Variants in MGAT4C observed in about 807,000 individuals in gnomAD.
MGAT4C encodes alpha-1,3-mannosyl-glycoprotein 4-beta-N-acetylglucosaminyltransferase C.
In MGAT4C, 19 loss-of-function variants were observed where a neutral mutation model predicts 40.1. The observed-to-expected ratio is 0.47, with a 90% CI of 0.33 to 0.70. The LOEUF (loss-of-function observed/expected upper bound fraction) is 0.70. Ranked by LOEUF, MGAT4C falls within the 30% of genes least tolerant of loss-of-function variation. The pLI, the probability that MGAT4C is intolerant of heterozygous loss-of-function variation, is 0.02. For missense variants in MGAT4C, 491 were observed against 563.2 expected (o/e 0.87, Z 1.30); for synonymous variants, 181 against 187.1 (o/e 0.97, Z 0.27).
At chr12:86,288,670 T>C (rs941485963) in intron 4 of MGAT4C, among the ~76,000 whole-genome samples, 23 of 152,184 alleles carry the variant, frequency 1.5e-4, no homozygotes, top group African/African-American at 2.2e-4. Context: ...TGATTAATCA[T>C]GTGGAGCATT....
At chr12:86,472,266 G>A (rs1454163433) in intron 2 of MGAT4C, among the ~76,000 whole-genome samples, 3 of 152,098 alleles carry the variant, frequency 2.0e-5, no homozygotes, top group African/African-American at 7.2e-5. Flanking sequence ...TGGTTACCTA[G>A]AAAATGAGAC....
chr12:86,826,071 G>A (rs2136231441), intron 1 of MGAT4C, among the ~76,000 whole-genome samples: 1 of 151,334 alleles, frequency 6.6e-6, no homozygotes, highest in South Asian at 2.1e-4. Context: ...GACCCAACAA[G>A]CTCCTCACAT....
chr12:86,402,640 A>G (rs899699000), intron 3 of MGAT4C, among the ~76,000 whole-genome samples: 2 of 152,146 alleles, frequency 1.3e-5, no homozygotes, highest in Non-Finnish European at 2.9e-5. Flanking sequence ...ACAATAAACA[A>G]TATCTGTTAT....
At chr12:86,469,227 A>G (rs1957724088) in intron 2 of MGAT4C, among the ~76,000 whole-genome samples, 1 of 152,106 alleles carries the variant, frequency 6.6e-6, no homozygotes, top group Non-Finnish European at 1.5e-5. Flanking sequence ...GAGGGTTTCA[A>G]TGATCCCTGC....
intron 2 of MGAT4C, among the ~76,000 whole-genome samples, chr12:86,480,629 TAAGTAGTTAATGATGTATAA>T (rs1337109259): frequency 2.6e-5 from 4 of 151,622 alleles, no homozygotes; most frequent in Admixed American, 1.3e-4. Flanking sequence ...TATGTATGTA[TAAGTAGTTAATGATGTATAA>T]ACATATGTAC....
At chr12:86,451,191 T>C (rs896295594) in intron 2 of MGAT4C, among the ~76,000 whole-genome samples, 3 of 151,966 alleles carry the variant, frequency 2.0e-5, no homozygotes, top group Admixed American at 6.6e-5. Flanking sequence ...AGTGAGGGGG[T>C]TCTTGTGAGA....
At chr12:86,305,443 G>GAAA (rs5799778) in intron 4 of MGAT4C, among the ~76,000 whole-genome samples, 11 of 133,338 alleles carry the variant, frequency 8.2e-5, no homozygotes, top group African/African-American at 1.2e-4. Context: ...CCGTCTCAAA[G>GAAA]AAAAAAAAAA....
At chr12:86,228,788 T>C (rs1951201363) in intron 1 of MGAT4C, among the ~76,000 whole-genome samples, 1 of 151,972 alleles carries the variant, frequency 6.6e-6, no homozygotes, top group Non-Finnish European at 1.5e-5. Context: ...TTACAGTACT[T>C]AGATATTAAC....
At chr12:86,813,953 T>G (rs1272041021) in intron 1 of MGAT4C, among the ~76,000 whole-genome samples, 1 of 151,902 alleles carries the variant, frequency 6.6e-6, no homozygotes, top group Non-Finnish European at 1.5e-5. Context: ...CTCTGTTGCC[T>G]AGGCTAGAGT....
chr12:86,547,508 C>T (rs1300525023), intron 2 of MGAT4C, among the ~76,000 whole-genome samples: 1 of 152,054 alleles, frequency 6.6e-6, no homozygotes, highest in Non-Finnish European at 1.5e-5. Flanking sequence ...CTAAAAATGC[C>T]TGGTTCATAG....
At chr12:86,435,319 C>T (rs767630005) in intron 2 of MGAT4C, 1 of 151,928 alleles carries the variant, frequency 6.6e-6, no homozygotes, top group Non-Finnish European at 1.5e-5. Flanking sequence ...AAACATTCAT[C>T]ATGATGGCAC....
At chr12:86,414,065 C>A (rs1349401792) in intron 3 of MGAT4C, among the ~76,000 whole-genome samples, 2 of 151,336 alleles carry the variant, frequency 1.3e-5, no homozygotes, top group African/African-American at 4.9e-5. Context: ...ATGCTTACAG[C>A]AAGTTTTTTT....
intron 2 of MGAT4C, among the ~76,000 whole-genome samples, chr12:86,604,558 C>T (rs1961975751): frequency 6.6e-6 from 1 of 152,112 alleles, no homozygotes; most frequent in Non-Finnish European, 1.5e-5. Flanking sequence ...TCCCCTCTAT[C>T]CAAATGTACG....
At chr12:86,571,789 C>T (rs780914862) in intron 2 of MGAT4C, among the ~76,000 whole-genome samples, 33 of 152,066 alleles carry the variant, frequency 2.2e-4, no homozygotes, top group Non-Finnish European at 4.3e-4. Context: ...CTGCTGAATG[C>T]TAAATGTTCT....
intron 4 of MGAT4C, among the ~76,000 whole-genome samples, chr12:86,305,950 C>T (rs1023918400): frequency 6.6e-6 from 1 of 150,406 alleles, no homozygotes; most frequent in Non-Finnish European, 1.5e-5. Context: ...ACCCTTTACC[C>T]ATCTTTAAAA....
chr12:86,494,545 T>C (rs923067541), intron 2 of MGAT4C, among the ~76,000 whole-genome samples: 2 of 151,754 alleles, frequency 1.3e-5, no homozygotes, highest in Non-Finnish European at 2.9e-5. Flanking sequence ...GAAATATATT[T>C]TATTTAGTTA....
chr12:86,184,418 A>T (rs944921824), intron 1 of MGAT4C, among the ~76,000 whole-genome samples: 4 of 151,094 alleles, frequency 2.6e-5, no homozygotes, highest in African/African-American at 9.7e-5. Context: ...ATGTGCCAGG[A>T]CATTATTCTA....
chr12:86,658,258 T>A (rs755947028), intron 2 of MGAT4C, among the ~76,000 whole-genome samples: 1 of 152,074 alleles, frequency 6.6e-6, no homozygotes, highest in Non-Finnish European at 1.5e-5. Context: ...AAGCAATCAA[T>A]TGAATAGCAG....
chr12:86,138,616 T>TTTC (rs1882374058), intron 1 of MGAT4C, among the ~76,000 whole-genome samples: 3 of 146,664 alleles, frequency 2.0e-5, no homozygotes, highest in African/African-American at 7.5e-5. Context: ...CATAGATATA[T>TTTC]CATATATATA....
Sources: gnomAD v4.1 joint callset for allele counts (sites outside exome capture counted in the v4.1 genomes callset) on GRCh38, gnomAD v4.1.1 for gene constraint, MANE v1.5 for transcripts, NCBI Gene and HGNC (gene_info 2026-07-23, HGNC 2026-07-21) for gene names.